Variants in WDFY2 observed in about 807,000 individuals in gnomAD.
The protein encoded by WDFY2 is WD repeat and FYVE domain-containing protein 2.
A neutral mutation model predicts 56.4 loss-of-function variants in WDFY2; 36 were observed. The observed-to-expected ratio is 0.64, with a 90% CI of 0.49 to 0.84. The LOEUF (loss-of-function observed/expected upper bound fraction) is 0.84. Among genes scored for constraint, WDFY2 ranks in the 40% least tolerant of loss-of-function variants. WDFY2 has a pLI of 0.00. For missense variants in WDFY2, 444 were observed against 512.2 expected (o/e 0.87, Z 1.29); for synonymous variants, 176 against 183.7 (o/e 0.96, Z 0.34).
At chr13:51,637,404 AT>A (rs908438019) in intron 1 of WDFY2, among the ~76,000 whole-genome samples, 178 of 146,372 alleles carry the variant, frequency 1.2e-3, no homozygotes, top group South Asian at 3.2e-3. Context: ...GTTTGAAATA[AT>A]TTTTTTTTTT....
At chr13:51,691,294 T>C (rs1322899610) in intron 3 of WDFY2, among the ~76,000 whole-genome samples, 1 of 152,024 alleles carries the variant, frequency 6.6e-6, no homozygotes, top group African/African-American at 2.4e-5. Context: ...TGAATGGTAA[T>C]GCCTAGGTTT....
intron 1 of WDFY2, among the ~76,000 whole-genome samples, chr13:51,653,169 T>G (rs1955433790): frequency 6.6e-6 from 1 of 152,246 alleles, no homozygotes; most frequent in African/African-American, 2.4e-5. Context: ...CTTCCATCAC[T>G]GATACTCTTT....
At position 51,715,502 on chromosome 13, in the gene WDFY2, C is replaced by T. The variant is rs952866024; in HGVS notation, c.335-3696C>T. 5.3e-5 allele frequency among the ~76,000 whole-genome samples: 8 copies of T among 152,222 alleles called. No individual in the cohort carries two copies. In the East Asian group the frequency reaches 5.8e-4, roughly 11 times the overall value. On this transcript the variant is annotated intron_variant, in intron 4 of 11. Coordinates refer to ENST00000298125, the MANE Select transcript of WDFY2 (RefSeq NM_052950.4). ...ACAGCTCGTCCCACTGGAAGGTCTT[C>T]GGGGCCATAACACCCATGGACCTGT...
chr13:51,649,318 G>A (rs1465376498), intron 1 of WDFY2, among the ~76,000 whole-genome samples: 6 of 152,106 alleles, frequency 3.9e-5, no homozygotes, highest in Non-Finnish European at 2.9e-5. Flanking sequence ...AAAACAGCAC[G>A]TGCAAGATGG....
Position 51,727,862 on chromosome 13 carries a change from C to T in WDFY2, c.598+72C>T, listed in dbSNP as rs558596926. 2.4e-3 allele frequency: 3,515 copies of T among 1,436,050 alleles called. 4 individuals are homozygous for T. Among genetic ancestry groups the T allele is most frequent in the Non-Finnish European group, 3.0e-3 (3,109 of 1,033,712 alleles). 89.0% of individuals were successfully genotyped at this position (1,436,050 alleles called of 1,614,324 possible). ...ATCGCCTGCTGCATCTCCTGATGTT[C>T]AGATATGTTTTGAAAGTGGCAAAGT... On this transcript the variant is annotated intron_variant, in intron 6 of 11. Transcript: ENST00000298125.
intron 1 of WDFY2, among the ~76,000 whole-genome samples, chr13:51,637,360 ATG>A (rs779929336): frequency 4.6e-5 from 7 of 152,182 alleles, no homozygotes; most frequent in Non-Finnish European, 8.8e-5. Flanking sequence ...TTTTTGTAAA[ATG>A]AAAGTGCTAG....
chr13:51,649,202 A>G (rs1303953041), intron 1 of WDFY2, among the ~76,000 whole-genome samples: 4 of 152,182 alleles, frequency 2.6e-5, no homozygotes, highest in East Asian at 1.9e-4. Context: ...GAGACCGACT[A>G]TGGGCTACTT....
At chr13:51,737,551 T>TAAAAAAAAAAAAAAAAAAAAAAAAAAAA (rs67418551) in intron 6 of WDFY2, among the ~76,000 whole-genome samples, 1 of 53,246 alleles carries the variant, frequency 1.9e-5, no homozygotes, top group Non-Finnish European at 3.2e-5. Flanking sequence ...ACAATGAATT[T>TAAAAAAAAAAAAAAAAAAAAAAAAAAAA]AAAAAAAAAA....
intron 1 of WDFY2, among the ~76,000 whole-genome samples, chr13:51,654,210 G>T (rs1482376390): frequency 1.3e-5 from 2 of 152,190 alleles, no homozygotes; most frequent in African/African-American, 4.8e-5. Flanking sequence ...AGCCAGGCGC[G>T]GGATACAATC....
intron 1 of WDFY2, chr13:51,591,012 G>T (rs1444237884): frequency 6.6e-6 from 1 of 152,150 alleles, no homozygotes; most frequent in Non-Finnish European, 1.5e-5. Flanking sequence ...TCTTGGAAAA[G>T]AACTGGGAGT....
intron 1 of WDFY2, among the ~76,000 whole-genome samples, chr13:51,602,911 G>A (rs1954313961): frequency 6.6e-6 from 1 of 152,094 alleles, no homozygotes; most frequent in South Asian, 2.1e-4. Flanking sequence ...AAAAGTGTTT[G>A]TAACTCTTCC....
At chr13:51,656,991 A>G (rs1955520355) in intron 1 of WDFY2, among the ~76,000 whole-genome samples, 1 of 152,054 alleles carries the variant, frequency 6.6e-6, no homozygotes, top group South Asian at 2.1e-4. Context: ...ACTGATAAGT[A>G]AAGACTTCTG....
At chr13:51,735,897 AATAT>A (rs1952823941) in intron 6 of WDFY2, among the ~76,000 whole-genome samples, 1 of 152,096 alleles carries the variant, frequency 6.6e-6, no homozygotes, top group South Asian at 2.1e-4. Context: ...GTGTCTGATG[AATAT>A]ACCCTGACTT....
At chr13:51,619,944 A>G (rs549496911) in intron 1 of WDFY2, among the ~76,000 whole-genome samples, 14 of 152,292 alleles carry the variant, frequency 9.2e-5, no homozygotes, top group South Asian at 8.3e-4. Flanking sequence ...TTCCCTATGT[A>G]TGGAGAAACC....
chr13:51,714,786 G>A (rs542575294), intron 4 of WDFY2, among the ~76,000 whole-genome samples: 1 of 152,298 alleles, frequency 6.6e-6, no homozygotes, highest in East Asian at 1.9e-4. Context: ...TCTGAGAAAT[G>A]CATTGTTAGG....
At chr13:51,656,986 TAAGTA>T (rs1351892973) in intron 1 of WDFY2, among the ~76,000 whole-genome samples, 5 of 152,106 alleles carry the variant, frequency 3.3e-5, no homozygotes, top group Non-Finnish European at 7.4e-5. Flanking sequence ...TGATTACTGA[TAAGTA>T]AAGACTTCTG....
chr13:51,692,716 G>T (rs1769601529), intron 3 of WDFY2, among the ~76,000 whole-genome samples: 1 of 152,206 alleles, frequency 6.6e-6, no homozygotes, highest in Non-Finnish European at 1.5e-5. Flanking sequence ...CATAAAATGA[G>T]TTAGGGAGGA....
chr13:51,645,901 C>G (rs995395725), intron 1 of WDFY2, among the ~76,000 whole-genome samples: 40 of 152,274 alleles, frequency 2.6e-4, no homozygotes, highest in African/African-American at 8.7e-4. Context: ...TGCAACAGCC[C>G]TAACTGGATT....
intron 6 of WDFY2, among the ~76,000 whole-genome samples, chr13:51,734,562 T>C (rs1365706682): frequency 1.3e-5 from 2 of 152,226 alleles, no homozygotes; most frequent in African/African-American, 4.8e-5. Flanking sequence ...ATAAAATACG[T>C]GTAACCTGAA....
Sources: allele counts gnomAD v4.1 joint callset (sites outside exome capture counted in the v4.1 genomes callset), GRCh38; gene constraint gnomAD v4.1.1; transcripts MANE v1.5; gene names NCBI Gene and HGNC (gene_info 2026-07-23, HGNC 2026-07-21).